Variants in TTC27 observed in about 807,000 individuals in gnomAD.
The protein encoded by TTC27 is tetratricopeptide repeat protein 27.
A neutral mutation model predicts 115.9 loss-of-function variants in TTC27; 79 were observed. The ratio of observed to expected loss-of-function variants is 0.68; its 90% CI spans 0.57 to 0.82. TTC27 has a LOEUF of 0.82. TTC27 is among the 40% of genes least tolerant of loss of function. The pLI is 0.00. For synonymous variants in TTC27, 401 were observed against 356.0 expected, an observed-to-expected ratio of 1.13 and a Z score of -1.42; for missense variants, 1,054 against 993.1, an observed-to-expected ratio of 1.06 and a Z score of -0.82.
intron 4 of TTC27, among the ~76,000 whole-genome samples, chr2:32,647,539 A>C (rs954254365): frequency 6.6e-6 from 1 of 152,214 alleles, no homozygotes; most frequent in African/African-American, 2.4e-5. Flanking sequence ...GGATTTTGTC[A>C]TGGAGTCAAA....
rs1317580370 is a variant in TTC27 at position 32,668,995 on chromosome 2, C to T, written c.939+2227C>T. ...TCCGGAGTCTGTGGCAGGAGAATGG[C>T]GTGAACCCGGGAGGCGGAGCTTGCA... is the stretch of plus-strand genomic sequence containing the variant. On this transcript the variant is annotated intron_variant, in intron 7 of 19. Transcript: ENST00000317907. Among the ~76,000 whole-genome samples the T allele has an allele frequency of 7.2e-5, 11 of 151,970 alleles. No homozygotes were observed. The South Asian group carries it at 2.1e-3, about 29-fold the overall frequency.
At chr2:32,809,413 C>CAGCT (rs1232612125) in intron 16 of TTC27, among the ~76,000 whole-genome samples, 1 of 152,218 alleles carries the variant, frequency 6.6e-6, no homozygotes, top group Non-Finnish European at 1.5e-5. Flanking sequence ...AAGATGTGGG[C>CAGCT]AGCTGTCTCT....
intron 9 of TTC27, among the ~76,000 whole-genome samples, chr2:32,688,739 A>G (rs1407158320): frequency 6.6e-6 from 1 of 152,148 alleles, no homozygotes; most frequent in African/African-American, 2.4e-5. Context: ...AAAGACTTAC[A>G]TAACACTTTG....
chr2:32,705,315 C>T (rs748140493), intron 10 of TTC27, among the ~76,000 whole-genome samples: 5 of 152,128 alleles, frequency 3.3e-5, no homozygotes, highest in Admixed American at 2.0e-4. Flanking sequence ...CCTGCAGAAC[C>T]ATGAGCCAAA....
At chr2:32,678,271 A>C (rs1455379785) in intron 8 of TTC27, among the ~76,000 whole-genome samples, 2 of 151,814 alleles carry the variant, frequency 1.3e-5, no homozygotes, top group African/African-American at 2.4e-5. Context: ...AAAAAAAAAA[A>C]AAGATAAATT....
At chr2:32,789,469 T>C (rs1007896701) in intron 16 of TTC27, among the ~76,000 whole-genome samples, 1 of 152,134 alleles carries the variant, frequency 6.6e-6, no homozygotes, top group African/African-American at 2.4e-5. Flanking sequence ...GAATTATCTA[T>C]TGGTAGTAAC....
chr2:32,790,030 G>GAA (rs548621427), intron 16 of TTC27, among the ~76,000 whole-genome samples: 3 of 124,716 alleles, frequency 2.4e-5, no homozygotes, highest in South Asian at 2.6e-4. Flanking sequence ...TTTCAGAAAA[G>GAA]AAAAAAAAAA....
At chr2:32,687,016 C>T (rs1387572590) in intron 9 of TTC27, among the ~76,000 whole-genome samples, 3 of 151,794 alleles carry the variant, frequency 2.0e-5, no homozygotes, top group Non-Finnish European at 2.9e-5. Context: ...AGCTAGTTTT[C>T]GTATTTTTAG....
intron 15 of TTC27, among the ~76,000 whole-genome samples, chr2:32,783,358 G>A (rs1390810980): frequency 6.6e-6 from 1 of 152,140 alleles, no homozygotes; most frequent in Non-Finnish European, 1.5e-5. Context: ...GAGCCTCTTA[G>A]GCAAGAGAAA....
intron 11 of TTC27, 127 bp from the exon 12 acceptor site, chr2:32,736,567 T>C: frequency 3.0e-6 from 3 of 999,334 alleles, no homozygotes; most frequent in Non-Finnish European, 4.4e-6. Context: ...ATAGTACAGA[T>C]TGTAGAATTT....
chr2:32,662,602 A>G (rs1216832088), intron 5 of TTC27, among the ~76,000 whole-genome samples: 2 of 152,160 alleles, frequency 1.3e-5, no homozygotes, highest in Non-Finnish European at 2.9e-5. Context: ...TTTCTGTGGG[A>G]TCAGTGGTGA....
rs1441539701 is a variant in TTC27, at chr2:32,788,328, CAG to C, written c.1998+1182_1998+1183del. On this transcript the variant is annotated intron_variant, in intron 16 of 19. Coordinates refer to ENST00000317907, the MANE Select transcript of TTC27 (RefSeq NM_017735.5). ...AGCATTCTTTAGAATCACACACTGT[CAG>C]AGCAAAAAGGGACCTTAGAAGTCCT... Among the ~76,000 whole-genome samples the C allele has an allele frequency of 2.0e-5, 3 of 152,074 alleles. No individual in the cohort carries two copies. In the East Asian group the frequency reaches 5.8e-4, roughly 29 times the overall value.
chr2:32,754,804 C>A (rs186307384), intron 12 of TTC27, among the ~76,000 whole-genome samples: 1 of 131,114 alleles, frequency 7.6e-6, no homozygotes, highest in Admixed American at 7.5e-5. Context: ...CCGGACGGGG[C>A]GGCTGGCTGG....
At chr2:32,773,051 A>G (rs1427666222) in intron 13 of TTC27, among the ~76,000 whole-genome samples, 1 of 152,236 alleles carries the variant, frequency 6.6e-6, no homozygotes. Flanking sequence ...CCATGCTCTC[A>G]ACCTTTTGAG....
chr2:32,639,337 CA>C (rs1269143351), intron 3 of TTC27, among the ~76,000 whole-genome samples: 3 of 152,070 alleles, frequency 2.0e-5, no homozygotes, highest in Non-Finnish European at 4.4e-5. Flanking sequence ...CAAATTTTAA[CA>C]ACCTTGTCCA....
intron 10 of TTC27, among the ~76,000 whole-genome samples, chr2:32,709,390 C>G (rs1667499624): frequency 6.6e-6 from 1 of 152,102 alleles, no homozygotes; most frequent in South Asian, 2.1e-4. Context: ...TTCAGTCTCC[C>G]TTATCTGAAA....
chr2:32,754,334 G>A (rs1669128313), intron 12 of TTC27, among the ~76,000 whole-genome samples: 1 of 149,534 alleles, frequency 6.7e-6, no homozygotes, highest in Non-Finnish European at 1.5e-5. Context: ...AGATTAGGGA[G>A]TGGCGATGAC....
rs1664314799 is a variant in TTC27 at position 32,633,976 on chromosome 2, T to C, written c.367T>C (p.Ser123Pro). ...PVDLHPQDFL[S>P]SVLFQQFSEV... is the part of the protein sequence containing the mutation. ...TGACTTACACCCTCAGGACTTTTTGTCATCTGTTTTGTTCCAGCAATTCAG... is the reference window on the plus strand; with the variant it reads ...TGACTTACACCCTCAGGACTTTTTGCCATCTGTTTTGTTCCAGCAATTCAG... Residue 123 changes from serine (S) to proline (P), a missense_variant, in exon 3 of 20, where the codon TCA (serine) becomes CCA (proline). By Grantham distance (74) the Ser-to-Pro change is moderately conservative. Transcript: ENST00000317907. 3 of 1,613,768 alleles carry C rather than the reference T, an allele frequency of 1.9e-6. No homozygotes were observed. Among genetic ancestry groups the C allele is most frequent in the Non-Finnish European group, 2.5e-6 (3 of 1,179,788 alleles).
intron 3 of TTC27, chr2:32,635,127 A>T (rs1036755895): frequency 6.6e-6 from 1 of 152,222 alleles, no homozygotes; most frequent in Non-Finnish European, 1.5e-5. Flanking sequence ...TGTGTCGCCA[A>T]TAGAGCTTGC....
Sources: gnomAD v4.1 joint callset for allele counts (sites outside exome capture counted in the v4.1 genomes callset) on GRCh38, gnomAD v4.1.1 for gene constraint, MANE v1.5 for transcripts, NCBI Gene and HGNC (gene_info 2026-07-23, HGNC 2026-07-21) for gene names.